SMAD1: variants seen among roughly 807,000 people sequenced by gnomAD.
The protein encoded by SMAD1 is MAD, mothers against decapentaplegic homolog 1.
In SMAD1, 6 loss-of-function variants were observed where a neutral mutation model predicts 41.6. That is an observed-to-expected ratio of 0.14 (90% CI 0.08 to 0.28). The LOEUF (loss-of-function observed/expected upper bound fraction) is 0.28, where lower values mean the gene tolerates loss of function less well. Ranked by LOEUF, SMAD1 falls within the 10% of genes least tolerant of loss-of-function variation. The pLI is 1.00. For synonymous variants in SMAD1, 206 were observed against 203.2 expected, an observed-to-expected ratio of 1.01 and a Z score of -0.12; for missense variants, 379 against 582.6, an observed-to-expected ratio of 0.65 and a Z score of 3.60.
At chr4:145,495,392 ATTGTGAC>A (rs1729016125) in intron 1 of SMAD1, among the ~76,000 whole-genome samples, 1 of 152,180 alleles carries the variant, frequency 6.6e-6, no homozygotes, top group Admixed American at 6.5e-5. Context: ...TATAAGTAGC[ATTGTGAC>A]TTACAACTGT....
At chr4:145,493,601 A>T (rs925223099) in intron 1 of SMAD1, among the ~76,000 whole-genome samples, 1 of 152,236 alleles carries the variant, frequency 6.6e-6, no homozygotes, top group Admixed American at 6.5e-5. Flanking sequence ...GCATTCATTT[A>T]TAGCATATAT....
intron 1 of SMAD1, chr4:145,503,012 A>G (rs1729542904): frequency 1.3e-5 from 2 of 152,234 alleles, no homozygotes; most frequent in African/African-American, 4.8e-5. Context: ...TAGTACCTGC[A>G]TTATTGCATC....
At chr4:145,550,457 G>T (rs777855571) in intron 5 of SMAD1, among the ~76,000 whole-genome samples, 1 of 152,152 alleles carries the variant, frequency 6.6e-6, no homozygotes, top group Non-Finnish European at 1.5e-5. Context: ...AGGTTGCAAT[G>T]AGCTGAGATC....
intron 2 of SMAD1, among the ~76,000 whole-genome samples, chr4:145,524,261 C>T (rs1344406861): frequency 1.3e-5 from 2 of 152,022 alleles, no homozygotes; most frequent in Admixed American, 6.6e-5. Context: ...GGATTTTATA[C>T]CCAGATCTTT....
intron 1 of SMAD1, among the ~76,000 whole-genome samples, chr4:145,512,226 G>A (rs2126396381): frequency 6.6e-6 from 1 of 152,206 alleles, no homozygotes; most frequent in African/African-American, 2.4e-5. Flanking sequence ...GAAATTTGTG[G>A]ATTTCTCTGT....
intron 3 of SMAD1, among the ~76,000 whole-genome samples, chr4:145,542,007 T>C (rs1294491088): frequency 6.6e-6 from 1 of 152,250 alleles, no homozygotes; most frequent in Non-Finnish European, 1.5e-5. Flanking sequence ...TTTTCTGTTA[T>C]TCTGTTACTA....
At chr4:145,547,113 C>T (rs532039831) in intron 5 of SMAD1, among the ~76,000 whole-genome samples, 189 bp downstream of exon 5, 110 of 152,114 alleles carry the variant, frequency 7.2e-4, no homozygotes, top group African/African-American at 2.5e-3. Context: ...TTTTTGTGGT[C>T]GATCAACTCA....
intron 1 of SMAD1, among the ~76,000 whole-genome samples, chr4:145,506,260 T>A (rs1242971383): frequency 6.6e-6 from 1 of 152,244 alleles, no homozygotes. Flanking sequence ...TTAATTCTTT[T>A]GATCTTTGTG....
chr4:145,534,424 A>C (rs570933139), intron 2 of SMAD1, among the ~76,000 whole-genome samples: 1 of 152,332 alleles, frequency 6.6e-6, no homozygotes, highest in Non-Finnish European at 1.5e-5. Flanking sequence ...GAGGTAAACA[A>C]GGTGATAACT....
intron 2 of SMAD1, among the ~76,000 whole-genome samples, chr4:145,532,428 G>GT (rs749464060): frequency 1.1e-3 from 175 of 152,246 alleles, no homozygotes; most frequent in Admixed American, 4.0e-3. Flanking sequence ...ACCTAGGGGC[G>GT]TTTTTTCAGA....
chr4:145,498,038 T>G (rs971205284), intron 1 of SMAD1: 4 of 152,274 alleles, frequency 2.6e-5, no homozygotes, highest in South Asian at 4.1e-4. Context: ...CTTTGATTTT[T>G]AGAAGTTATT....
intron 1 of SMAD1, among the ~76,000 whole-genome samples, chr4:145,489,583 C>T (rs1333323627): frequency 1.3e-5 from 2 of 152,066 alleles, no homozygotes; most frequent in Admixed American, 6.5e-5. Context: ...AACTTGGTGG[C>T]TGGAAAACTA....
intron 1 of SMAD1, among the ~76,000 whole-genome samples, chr4:145,486,684 T>A (rs1465829046): frequency 6.6e-6 from 1 of 152,222 alleles, no homozygotes; most frequent in Non-Finnish European, 1.5e-5. Flanking sequence ...TCATAAACAT[T>A]AAGATTTGTA....
rs1445163875 is a variant in SMAD1 at position 145,501,438 on chromosome 4, T to C, written c.-176-13000T>C. Among the ~76,000 whole-genome samples the C allele has an allele frequency of 3.9e-5, 6 of 152,212 alleles. No individual in the cohort carries two copies. The East Asian group carries it at 9.6e-4, about 24-fold the overall frequency. ...TGTGATGAATATGGATGTGTTTCCC[T>C]TCTAGAGGGTCCTGATTAAATTATG... On this transcript the variant is annotated intron_variant, in intron 1 of 6. Coordinates refer to ENST00000302085, the MANE Select transcript of SMAD1 (RefSeq NM_005900.3).
chr4:145,530,253 A>G (rs1238982398), intron 2 of SMAD1, among the ~76,000 whole-genome samples: 2 of 152,150 alleles, frequency 1.3e-5, no homozygotes, highest in Non-Finnish European at 2.9e-5. Flanking sequence ...AGGGGTGGAT[A>G]GAAAGACCGG....
At chr4:145,519,709 C>T (rs1578782312) in intron 2 of SMAD1, among the ~76,000 whole-genome samples, 1 of 151,200 alleles carries the variant, frequency 6.6e-6, no homozygotes, top group South Asian at 2.1e-4. Flanking sequence ...GTATTATTAA[C>T]TATAGTCACC....
intron 2 of SMAD1, among the ~76,000 whole-genome samples, chr4:145,524,649 A>G (rs1473393943): frequency 5.9e-5 from 9 of 151,966 alleles, no homozygotes; most frequent in Admixed American, 5.2e-4. Context: ...TTCTTATTCT[A>G]TTTCTGCAGT....
chr4:145,526,211 A>G (rs1462751199), intron 2 of SMAD1, among the ~76,000 whole-genome samples: 1 of 152,236 alleles, frequency 6.6e-6, no homozygotes, highest in African/African-American at 2.4e-5. Context: ...TTTTATAAGG[A>G]GCATTTGGAC....
chr4:145,482,468 C>G lies in SMAD1; in HGVS notation c.-177+430C>G, dbSNP rs1473671578. 6.6e-6 allele frequency: 1 copy of G among 152,088 alleles called. No homozygotes were observed. The highest frequency in any genetic ancestry group is 1.5e-5 in the Non-Finnish European group (1 of 68,008). The allele number at this position is 152,088 out of a possible 1,614,324, so 9.4% of individuals were successfully genotyped here. The stretch of plus-strand genomic sequence containing the variant: ...TGCTGCCGCCGGGCCGAGGCCCGTT[C>G]GCGTGGCCCGCGGACCCATTGTGTC... On this transcript the variant is annotated intron_variant, in intron 1 of 6. Transcript: ENST00000302085. The surrounding 1 kb of genome is among the most constrained non-coding windows in gnomAD (Gnocchi z 4.2).
Sources: gnomAD v4.1 joint callset for allele counts (sites outside exome capture counted in the v4.1 genomes callset) on GRCh38, gnomAD v4.1.1 for gene constraint, Gnocchi (gnomAD v3.1) non-coding constraint, MANE v1.5 for transcripts, NCBI Gene and HGNC (gene_info 2026-07-23, HGNC 2026-07-21) for gene names.